Variants in PRKG1 observed in about 807,000 individuals in gnomAD.
The protein encoded by PRKG1 is cGMP-dependent protein kinase 1.
PRKG1 carries 35 observed loss-of-function variants against 88.1 expected under a neutral mutation model. The observed-to-expected ratio is 0.40, with a 90% confidence interval of 0.30 to 0.53. The LOEUF is 0.53. Ranked by LOEUF, PRKG1 falls within the 20% of genes least tolerant of loss-of-function variation. The pLI is 0.59. For synonymous variants in PRKG1, 303 were observed against 292.5 expected, an observed-to-expected ratio of 1.04 and a Z score of -0.37; for missense variants, 540 against 839.8, an observed-to-expected ratio of 0.64 and a Z score of 4.41.
chr10:51,633,848 A>G (rs1267810487), intron 3 of PRKG1, among the ~76,000 whole-genome samples: 1 of 152,140 alleles, frequency 6.6e-6, no homozygotes, highest in Non-Finnish European at 1.5e-5. Context: ...TCCATAAGCT[A>G]TTTGGCCTAT....
At chr10:51,218,535 T>A (rs1838437181) in intron 2 of PRKG1, among the ~76,000 whole-genome samples, 1 of 120,982 alleles carries the variant, frequency 8.3e-6, no homozygotes, top group South Asian at 2.6e-4. Flanking sequence ...ATATATAAAA[T>A]GTGTGTATTT....
chr10:51,071,934 A>C (rs4542348), upstream of PRKG1, among the ~76,000 whole-genome samples: 20,413 of 152,146 alleles, frequency 0.13, 3,220 homozygotes, highest in African/African-American at 0.39. Context: ...CACAGTGGCT[A>C]ATGCCTATAA....
At chr10:51,378,737 A>G (rs1334187690) in intron 2 of PRKG1, among the ~76,000 whole-genome samples, 4 of 152,132 alleles carry the variant, frequency 2.6e-5, no homozygotes, top group African/African-American at 9.7e-5. Context: ...AGGGTGATTT[A>G]TTTAAATTCT....
intron 5 of PRKG1, among the ~76,000 whole-genome samples, chr10:52,041,581 C>T (rs547252208): frequency 6.6e-6 from 1 of 152,230 alleles, no homozygotes; most frequent in South Asian, 2.1e-4. Context: ...TGGTAGAAGT[C>T]AGCAGTGAAG....
In PRKG1 at chr10:51,952,121, T is replaced by C. The variant is rs574474277; in HGVS notation, c.762+44551T>C. ...TATCTGGCTCTTTACAGAAAAAGCT[T>C]GCCAATCCCTCTGCTAGAGGATAAG... On this transcript the variant is annotated intron_variant, in intron 5 of 17. Coordinates refer to ENST00000373980, the MANE Select transcript of PRKG1 (RefSeq NM_006258.4). Among the ~76,000 whole-genome samples, 177 of 152,290 alleles carry C rather than the reference T, an allele frequency of 1.2e-3. 2 individuals are homozygous for C. Among genetic ancestry groups the C allele is most frequent in the African/African-American group, 4.1e-3 (171 of 41,562 alleles).
intron 2 of PRKG1, among the ~76,000 whole-genome samples, chr10:51,432,344 T>C (rs952916293): frequency 2.6e-5 from 4 of 152,168 alleles, no homozygotes; most frequent in African/African-American, 9.6e-5. Context: ...TTTCAGATGT[T>C]ACCATCTCTC....
At chr10:51,193,356 A>G (rs1837678874) in intron 2 of PRKG1, among the ~76,000 whole-genome samples, 1 of 152,050 alleles carries the variant, frequency 6.6e-6, no homozygotes, top group Non-Finnish European at 1.5e-5. Flanking sequence ...CAGAGTCAAG[A>G]GTAGGGTCAG....
At chr10:51,004,504 A>C (rs1394674043) in intron 1 of PRKG1, among the ~76,000 whole-genome samples, 4 of 152,058 alleles carry the variant, frequency 2.6e-5, no homozygotes, top group Non-Finnish European at 5.9e-5. Flanking sequence ...AAAACAAAAA[A>C]CTGTGGGCTG....
intron 3 of PRKG1, among the ~76,000 whole-genome samples, chr10:51,748,736 T>C (rs918436554): frequency 2.0e-5 from 3 of 152,234 alleles, no homozygotes; most frequent in Admixed American, 2.0e-4. Context: ...ATTATCTAGA[T>C]AGCTGAAATA....
At chr10:51,719,455 T>C (rs765394985) in intron 3 of PRKG1, among the ~76,000 whole-genome samples, 2 of 152,094 alleles carry the variant, frequency 1.3e-5, no homozygotes, top group Admixed American at 6.6e-5. Context: ...CAAACACAAA[T>C]TGAGGGACAT....
intron 8 of PRKG1, among the ~76,000 whole-genome samples, chr10:52,150,381 A>G (rs1837879479): frequency 6.6e-6 from 1 of 152,006 alleles, no homozygotes; most frequent in Admixed American, 6.6e-5. Flanking sequence ...CTTACTAGAC[A>G]TGTGACCTCG....
At chr10:51,582,103 T>C (rs1414585784) in intron 3 of PRKG1, among the ~76,000 whole-genome samples, 2 of 152,184 alleles carry the variant, frequency 1.3e-5, no homozygotes, top group Non-Finnish European at 2.9e-5. Flanking sequence ...AAGGATTGAA[T>C]TGGCTGAAAA....
chr10:52,197,597 A>G (rs1389190023), intron 9 of PRKG1, among the ~76,000 whole-genome samples: 2 of 152,186 alleles, frequency 1.3e-5, no homozygotes, highest in African/African-American at 2.4e-5. Flanking sequence ...ACAGTCCCAC[A>G]TGGTTAGTCT....
Position 52,205,810 on chromosome 10 carries a change from G to A in PRKG1, c.1076+43847G>A, listed in dbSNP as rs200305981. Among the ~76,000 whole-genome samples, 9 of 152,188 alleles carry A rather than the reference G, an allele frequency of 5.9e-5. No homozygotes were observed. In the East Asian group the frequency reaches 1.2e-3, roughly 20 times the overall value. ...TTAGCCTGATGGGATTCCTTTTGTA[G>A]GTGATCTGTTCCTTCTCTCTAGCTG... On this transcript the variant is annotated intron_variant, in intron 9 of 17. Transcript: ENST00000373980.
At chr10:52,030,607 T>C (rs1444275474) in intron 5 of PRKG1, among the ~76,000 whole-genome samples, 1 of 152,076 alleles carries the variant, frequency 6.6e-6, no homozygotes, top group Non-Finnish European at 1.5e-5. Flanking sequence ...AGCTAACAGT[T>C]TGGCAGCAAG....
At chr10:51,590,210 T>C (rs989680092) in intron 3 of PRKG1, among the ~76,000 whole-genome samples, 1 of 152,198 alleles carries the variant, frequency 6.6e-6, no homozygotes, top group Non-Finnish European at 1.5e-5. Flanking sequence ...AAGTTGTAGA[T>C]CCAGATTTTA....
chr10:51,953,492 A>G (rs187036505), intron 5 of PRKG1, among the ~76,000 whole-genome samples: 1 of 152,148 alleles, frequency 6.6e-6, no homozygotes, highest in African/African-American at 2.4e-5. Context: ...GGCCTCCCCA[A>G]CCCTCCACTC....
At chr10:51,557,600 G>A (rs754389321) in intron 3 of PRKG1, among the ~76,000 whole-genome samples, 1 of 151,954 alleles carries the variant, frequency 6.6e-6, no homozygotes, top group South Asian at 2.1e-4. Context: ...TAGAAACCTC[G>A]TGTAGCAGGA....
chr10:51,568,044 C>G (rs571002202), intron 3 of PRKG1, among the ~76,000 whole-genome samples: 1 of 151,962 alleles, frequency 6.6e-6, no homozygotes, highest in African/African-American at 2.4e-5. Context: ...ATGTCAATGG[C>G]TGCTAATCTG....
Sources: gnomAD v4.1 joint callset for allele counts (sites outside exome capture counted in the v4.1 genomes callset) on GRCh38, gnomAD v4.1.1 for gene constraint, MANE v1.5 for transcripts, NCBI Gene and HGNC (gene_info 2026-07-23, HGNC 2026-07-21) for gene names.